The following FGF14 variants were observed in gnomAD, a reference collection of about 807,000 sequenced individuals.
FGF14 encodes the protein fibroblast growth factor 14.
Under a neutral mutation model 25.5 loss-of-function variants are expected in FGF14, and 5 were observed. That is an observed-to-expected ratio of 0.20 (90% confidence interval 0.10 to 0.41). The LOEUF (loss-of-function observed/expected upper bound fraction) is 0.41, where lower values mean the gene tolerates loss of function less well. FGF14 is among the 10% of genes least tolerant of loss of function. The pLI is 1.00. For missense variants in FGF14, 222 were observed against 320.1 expected (o/e 0.69, Z 2.34); for synonymous variants, 138 against 118.3 (o/e 1.17, Z -1.08).
At chr13:101,852,908 A>G (rs1485932245) in intron 3 of FGF14, among the ~76,000 whole-genome samples, 6 of 152,154 alleles carry the variant, frequency 3.9e-5, no homozygotes, top group Non-Finnish European at 1.5e-5. Context: ...TTTAAATACC[A>G]GCAATTGAAG....
chr13:101,970,399 G>A (rs2037520459), intron 1 of FGF14, among the ~76,000 whole-genome samples: 1 of 152,164 alleles, frequency 6.6e-6, no homozygotes, highest in Admixed American at 6.5e-5. Flanking sequence ...TCTGTCTAGA[G>A]GATCCCCTGA....
intron 1 of FGF14, among the ~76,000 whole-genome samples, chr13:102,089,710 A>T (rs1217094229): frequency 6.6e-6 from 1 of 152,182 alleles, no homozygotes; most frequent in Non-Finnish European, 1.5e-5. Context: ...TTTGAGCACA[A>T]TTCTGTTTCA....
intron 4 of FGF14, among the ~76,000 whole-genome samples, chr13:101,723,468 T>C (rs961472927): frequency 6.6e-6 from 1 of 152,060 alleles, no homozygotes; most frequent in Non-Finnish European, 1.5e-5. Flanking sequence ...AAAAGCAACA[T>C]AGTCATACTA....
Position 101,715,482 on chromosome 13 carries a change from G to C in FGF14, c.*7349C>G. 1 of 927,676 alleles carries C rather than the reference G, an allele frequency of 1.1e-6. No individual in the cohort carries two copies. Among genetic ancestry groups the C allele is most frequent in the Non-Finnish European group, 1.8e-6 (1 of 560,780 alleles). 57.5% of individuals were successfully genotyped at this position (927,676 alleles called of 1,614,324 possible). ...GGATGAATGAAATGATTTCATTGTG[G>C]ACACTTGTGATTTATAATAGCATGT... On this transcript the variant is annotated 3_prime_UTR_variant, in exon 5 of 5. Transcript: ENST00000376143.
intron 1 of FGF14, among the ~76,000 whole-genome samples, chr13:101,962,782 C>T (rs927827450): frequency 1.3e-5 from 2 of 152,200 alleles, no homozygotes; most frequent in South Asian, 2.1e-4. Context: ...CTAAATAGCA[C>T]AATAATTTAG....
chr13:102,172,666 C>T (rs2048297775), intron 1 of FGF14, among the ~76,000 whole-genome samples: 1 of 152,180 alleles, frequency 6.6e-6, no homozygotes, highest in Non-Finnish European at 1.5e-5. Context: ...TCACTCAGCA[C>T]TCTCTTCATA....
chr13:101,901,428 A>T (rs1594659319), intron 1 of FGF14, among the ~76,000 whole-genome samples: 1 of 151,860 alleles, frequency 6.6e-6, no homozygotes. Flanking sequence ...TTCAGATGGG[A>T]TGCGGTGGCT....
At chr13:102,023,685 A>T (rs2040786320) in intron 1 of FGF14, among the ~76,000 whole-genome samples, 1 of 152,046 alleles carries the variant, frequency 6.6e-6, no homozygotes, top group East Asian at 1.9e-4. Flanking sequence ...ATATCAATGG[A>T]ATCATACAAG....
chr13:101,848,835 A>G (rs2043598119), intron 3 of FGF14, among the ~76,000 whole-genome samples: 1 of 152,022 alleles, frequency 6.6e-6, no homozygotes, highest in South Asian at 2.1e-4. Context: ...AAGTTTGAAG[A>G]TATATAAAAA....
chr13:101,929,488 G>A (rs2034601893), intron 1 of FGF14, among the ~76,000 whole-genome samples: 1 of 152,086 alleles, frequency 6.6e-6, no homozygotes, highest in Non-Finnish European at 1.5e-5. Context: ...ATGTCACTGG[G>A]GACATTCACA....
Position 102,115,807 on chromosome 13 carries a change from C to A in FGF14, c.209-240511G>T, listed in dbSNP as rs111270124. Among the ~76,000 whole-genome samples the A allele has an allele frequency of 4.8e-5, 5 of 104,574 alleles. No individual in the cohort carries two copies. In the South Asian group the frequency reaches 1.4e-3, roughly 29 times the overall value. 68.6% of individuals were successfully genotyped at this position (104,574 alleles called of 152,430 possible). ...ACGATTTACCCATGTAACAAATGAA[C>A]CAAAAATAAAGTAGAAAAAAACAGC... On this transcript the variant is annotated intron_variant, in intron 1 of 4. Transcript: ENST00000376131.
intron 1 of FGF14, among the ~76,000 whole-genome samples, chr13:102,096,770 T>C (rs1246043116): frequency 7.4e-6 from 1 of 134,406 alleles, no homozygotes; most frequent in Non-Finnish European, 1.7e-5. Context: ...AGGCACAAAA[T>C]ACAACTAACC....
chr13:102,161,633 A>AGACGAAGAAGACGAAGAAGAC (rs1566764806), intron 1 of FGF14, among the ~76,000 whole-genome samples: 5 of 8,676 alleles, frequency 5.8e-4, no homozygotes, highest in Non-Finnish European at 9.6e-4. Context: ...AAGAAGAAGA[A>AGACGAAGAAGACGAAGAAGAC]GAAGAAGAAG....
intron 3 of FGF14, among the ~76,000 whole-genome samples, chr13:101,770,466 AAT>A (rs1407987144): frequency 6.6e-6 from 1 of 152,150 alleles, no homozygotes; most frequent in Admixed American, 6.6e-5. Flanking sequence ...TGATTAATAA[AAT>A]AAATATTGCA....
chr13:102,064,238 G>C (rs1172520877), intron 1 of FGF14, among the ~76,000 whole-genome samples: 2 of 151,946 alleles, frequency 1.3e-5, no homozygotes, highest in Non-Finnish European at 2.9e-5. Context: ...ATGCCTGCTG[G>C]TACTTTAGTT....
In FGF14 at chr13:101,743,182, G is replaced by A. The variant is rs374260692; in HGVS notation, c.409-16372C>T. Among the ~76,000 whole-genome samples the A allele has an allele frequency of 8.5e-5, 13 of 152,122 alleles. No homozygotes were observed. In the East Asian group the frequency reaches 1.5e-3, roughly 18 times the overall value. The stretch of plus-strand genomic sequence containing the variant: ...GGCACATGTTGTCAGTACCTCCCGA[G>A]GCTGTCACAGGCATATCTTTAACCT... On this transcript the variant is annotated intron_variant, in intron 3 of 4. Coordinates refer to ENST00000376143, the MANE Select transcript of FGF14 (RefSeq NM_004115.4).
chr13:102,297,274 T>A (rs1252025663), intron 1 of FGF14, among the ~76,000 whole-genome samples: 1 of 151,996 alleles, frequency 6.6e-6, no homozygotes, highest in Non-Finnish European at 1.5e-5. Context: ...GTTCAGGCCA[T>A]CAAAAACAGG....
chr13:101,984,105 G>A (rs999532181), intron 1 of FGF14, among the ~76,000 whole-genome samples: 5 of 152,076 alleles, frequency 3.3e-5, no homozygotes, highest in Admixed American at 3.3e-4. Flanking sequence ...TGTTGCCACT[G>A]CTGTGGGAAC....
Position 101,874,145 on chromosome 13 carries a change from T to A in FGF14, c.304+1041A>T, listed in dbSNP as rs566563180. On this transcript the variant is annotated intron_variant, in intron 2 of 4. Coordinates refer to ENST00000376143, the MANE Select transcript of FGF14 (RefSeq NM_004115.4). ...TCGCTAACTACTGCCAGAATCAGTG[T>A]TACTGGCAATTTGATCACTGGAATT... Among the ~76,000 whole-genome samples, 4 of 152,186 alleles carry A rather than the reference T, an allele frequency of 2.6e-5. No homozygotes were observed. In the South Asian group the frequency reaches 6.2e-4, roughly 24 times the overall value.
Sources: gnomAD v4.1 joint callset for allele counts (sites outside exome capture counted in the v4.1 genomes callset) on GRCh38, gnomAD v4.1.1 for gene constraint, MANE v1.5 for transcripts, NCBI Gene and HGNC (gene_info 2026-07-23, HGNC 2026-07-21) for gene names.